Variants in RBMS3 observed in about 807,000 individuals in gnomAD.
RBMS3 encodes RNA binding motif single stranded interacting protein 3.
RBMS3 carries 27 observed loss-of-function variants against 66.8 expected under a neutral mutation model. The ratio of observed to expected loss-of-function variants is 0.40; its 90% confidence interval spans 0.30 to 0.56. The LOEUF (loss-of-function observed/expected upper bound fraction) is 0.56, where lower values mean the gene tolerates loss of function less well. Ranked by LOEUF, RBMS3 falls within the 20% of genes least tolerant of loss-of-function variation. RBMS3 has a pLI of 0.40. For synonymous variants in RBMS3, 188 were observed against 183.0 expected (o/e 1.03, Z -0.22); for missense variants, 513 against 549.5 (o/e 0.93, Z 0.66).
chr3:29,927,277 G>C (rs2149670730), intron 10 of RBMS3: 1 of 152,314 alleles, frequency 6.6e-6, no homozygotes, highest in African/African-American at 2.4e-5. Context: ...TGTCCAGTTT[G>C]AGCAAGGAGC....
intron 3 of RBMS3, among the ~76,000 whole-genome samples, chr3:29,528,346 C>T (rs1444123367): frequency 1.3e-5 from 2 of 151,992 alleles, no homozygotes; most frequent in East Asian, 3.9e-4. Flanking sequence ...CTCCTGACCT[C>T]AAGTGATCTG....
At chr3:29,377,487 C>T (rs79166398) in intron 1 of RBMS3, among the ~76,000 whole-genome samples, 12,670 of 152,130 alleles carry the variant, frequency 0.083, 847 homozygotes, top group East Asian at 0.33. Flanking sequence ...CTTATGACCC[C>T]GCTGCCTACC....
intron 1 of RBMS3, among the ~76,000 whole-genome samples, chr3:29,420,304 ATCT>A (rs139897524): frequency 3.5e-4 from 53 of 152,274 alleles, no homozygotes; most frequent in East Asian, 2.3e-3. Context: ...CCATCAATAA[ATCT>A]TCTTCTTTTC....
At chr3:29,316,653 T>G (rs1286854122) in intron 1 of RBMS3, among the ~76,000 whole-genome samples, 1 of 151,530 alleles carries the variant, frequency 6.6e-6, no homozygotes, top group African/African-American at 2.4e-5. Context: ...AATTAAATTA[T>G]TAAATTAATT....
chr3:29,737,169 G>T lies in RBMS3; in HGVS notation c.400-2551G>T, dbSNP rs548511245. Among the ~76,000 whole-genome samples, 14 of 152,138 alleles carry T rather than the reference G, an allele frequency of 9.2e-5. No homozygotes were observed. In the South Asian group the frequency reaches 2.9e-3, roughly 32 times the overall value. On this transcript the variant is annotated intron_variant, in intron 4 of 14. Transcript: ENST00000383767. Reference sequence around the variant, plus strand: ...TTTTTGTATTTTTAGTAGAGATGGGGTTTCACCATGTTAGCCAGGGTGGTC... The same window carrying T: ...TTTTTGTATTTTTAGTAGAGATGGGTTTTCACCATGTTAGCCAGGGTGGTC...
Position 29,476,225 on chromosome 3 carries a change from A to G in RBMS3, c.249-12216A>G, listed in dbSNP as rs17023669. Among the ~76,000 whole-genome samples, 1,013 of 152,326 alleles carry G rather than the reference A, an allele frequency of 6.7e-3. 23 individuals are homozygous for G. Among genetic ancestry groups the G allele is most frequent in the Admixed American group, 0.054 (830 of 15,304 alleles). ...CTTTATGGAATCTAATTATAACATA[A>G]GCCTGAAATTTCTGACCAATAGGCA... On this transcript the variant is annotated intron_variant, in intron 2 of 14. Coordinates refer to ENST00000383767, the MANE Select transcript of RBMS3 (RefSeq NM_001003793.3).
intron 1 of RBMS3, among the ~76,000 whole-genome samples, chr3:29,354,906 T>C (rs1056174425): frequency 1.3e-5 from 2 of 152,168 alleles, no homozygotes; most frequent in Non-Finnish European, 2.9e-5. Flanking sequence ...ATATTAACCT[T>C]ACTTAACTGT....
intron 5 of RBMS3, among the ~76,000 whole-genome samples, chr3:29,745,179 T>C (rs2054830113): frequency 6.6e-6 from 1 of 152,202 alleles, no homozygotes; most frequent in Non-Finnish European, 1.5e-5. Context: ...ATTACAGGCT[T>C]TTCAAAGTTC....
At chr3:29,446,646 G>C (rs1418495051) in intron 2 of RBMS3, among the ~76,000 whole-genome samples, 2 of 152,056 alleles carry the variant, frequency 1.3e-5, no homozygotes, top group African/African-American at 4.8e-5. Flanking sequence ...TGTCATAATA[G>C]TATGCTTTGA....
chr3:29,639,183 C>T (rs1191398109), intron 4 of RBMS3, among the ~76,000 whole-genome samples: 1 of 151,780 alleles, frequency 6.6e-6, no homozygotes, highest in Non-Finnish European at 1.5e-5. Flanking sequence ...AGCGATTTAA[C>T]TTAATCTCTT....
At chr3:29,360,760 G>C (rs969553064) in intron 1 of RBMS3, among the ~76,000 whole-genome samples, 1 of 152,046 alleles carries the variant, frequency 6.6e-6, no homozygotes, top group East Asian at 1.9e-4. Flanking sequence ...ATTTAGGATA[G>C]TTAGCTCTTC....
At chr3:29,318,938 A>C (rs2034851082) in intron 1 of RBMS3, among the ~76,000 whole-genome samples, 1 of 151,972 alleles carries the variant, frequency 6.6e-6, no homozygotes, top group Non-Finnish European at 1.5e-5. Flanking sequence ...TTTATACTGA[A>C]TTTTGAAGAA....
rs150450426 is a variant in RBMS3, at chr3:29,649,486, T to C, written c.399+62281T>C. On this transcript the variant is annotated intron_variant, in intron 4 of 14. Coordinates refer to ENST00000383767, the MANE Select transcript of RBMS3 (RefSeq NM_001003793.3). Reference sequence around the variant, plus strand: ...AAGCTAACTAAGTGAAGTAAATATATGATTTTTGGCCTGTGAAGGTGTGCA... The same window carrying C: ...AAGCTAACTAAGTGAAGTAAATATACGATTTTTGGCCTGTGAAGGTGTGCA... 7.1e-3 allele frequency among the ~76,000 whole-genome samples: 1,086 copies of C among 152,312 alleles called. 27 individuals are homozygous for C. The highest frequency in any genetic ancestry group is 0.058 in the Admixed American group (880 of 15,290).
At chr3:29,312,169 T>A (rs2034419054) in intron 1 of RBMS3, among the ~76,000 whole-genome samples, 1 of 151,768 alleles carries the variant, frequency 6.6e-6, no homozygotes, top group Admixed American at 6.6e-5. Flanking sequence ...GAACATATAG[T>A]CTTGTGGAGA....
intron 7 of RBMS3, among the ~76,000 whole-genome samples, chr3:29,874,313 T>C (rs768522942): frequency 6.6e-6 from 1 of 152,180 alleles, no homozygotes; most frequent in Non-Finnish European, 1.5e-5. Flanking sequence ...GCACAATTCC[T>C]AGAAAATAGT....
intron 4 of RBMS3, among the ~76,000 whole-genome samples, chr3:29,721,585 T>G (rs1196806084): frequency 6.6e-6 from 1 of 152,142 alleles, no homozygotes; most frequent in African/African-American, 2.4e-5. Context: ...AACTGCCCTG[T>G]TTCAGGGTCA....
intron 6 of RBMS3, among the ~76,000 whole-genome samples, chr3:29,812,497 G>T (rs1166508766): frequency 6.6e-6 from 1 of 152,194 alleles, no homozygotes; most frequent in Non-Finnish European, 1.5e-5. Context: ...GATCTAACTT[G>T]CTCTGCCCAG....
At chr3:29,339,092 G>T (rs2036130564) in intron 1 of RBMS3, among the ~76,000 whole-genome samples, 1 of 152,160 alleles carries the variant, frequency 6.6e-6, no homozygotes, top group Admixed American at 6.6e-5. Context: ...ACCCCCACCT[G>T]TGGTATCCCC....
chr3:29,471,057 T>C (rs867493171), intron 2 of RBMS3, among the ~76,000 whole-genome samples: 2 of 152,152 alleles, frequency 1.3e-5, no homozygotes, highest in Non-Finnish European at 1.5e-5. Flanking sequence ...CGTGGACAGG[T>C]ATGGAAAGTG....
Sources: allele counts gnomAD v4.1 joint callset (sites outside exome capture counted in the v4.1 genomes callset), GRCh38; gene constraint gnomAD v4.1.1; transcripts MANE v1.5; gene names NCBI Gene and HGNC (gene_info 2026-07-23, HGNC 2026-07-21).